The following SUMF1 variants were observed in gnomAD, a reference collection of about 807,000 sequenced individuals.
SUMF1 encodes sulfatase modifying factor 1.
In SUMF1, 48 loss-of-function variants were observed where a neutral mutation model predicts 47.6. That is an observed-to-expected ratio of 1.01 (90% CI 0.80 to 1.28). The LOEUF (loss-of-function observed/expected upper bound fraction) is 1.28. Among genes scored for constraint, SUMF1 ranks in the 50% most tolerant of loss-of-function variants. SUMF1 has a pLI of 0.00. For synonymous variants in SUMF1, 230 were observed against 192.1 expected (o/e 1.20, Z -1.63); for missense variants, 571 against 485.4 (o/e 1.18, Z -1.66).
chr3:4,070,847 G>A (rs1695504602), intron 8 of SUMF1, among the ~76,000 whole-genome samples: 1 of 151,896 alleles, frequency 6.6e-6, no homozygotes, highest in African/African-American at 2.4e-5. Flanking sequence ...TGGTCAGGAT[G>A]GTCTCAATCT....
rs143056350 is a variant in SUMF1 at position 4,464,019 on chromosome 3, G to A, written c.270+2957C>T. On this transcript the variant is annotated intron_variant, in intron 1 of 8. Transcript: ENST00000272902. ...GGGCAAAGCCCAGTGTTATTTCTCT[G>A]TGCCCCTCACCTTGCCACACACACT... Among the ~76,000 whole-genome samples the A allele has an allele frequency of 1.4e-3, 212 of 152,196 alleles. 1 individual carries two copies. The highest frequency in any genetic ancestry group is 6.8e-3 in the Middle Eastern group (2 of 294).
intron 9 of SUMF1, among the ~76,000 whole-genome samples, chr3:4,055,097 C>T (rs1695168172): frequency 6.6e-6 from 1 of 152,062 alleles, no homozygotes. Context: ...TAGTGGAGTG[C>T]GTTTTCTTCA....
At chr3:4,161,033 T>C (rs1191290800) in intron 8 of SUMF1, among the ~76,000 whole-genome samples, 1 of 152,178 alleles carries the variant, frequency 6.6e-6, no homozygotes, top group Non-Finnish European at 1.5e-5. Flanking sequence ...ATTGCAGCTG[T>C]ATCTGCTTCA....
chr3:4,107,614 T>C (rs1693188515), intron 8 of SUMF1, among the ~76,000 whole-genome samples: 2 of 152,094 alleles, frequency 1.3e-5, no homozygotes, highest in African/African-American at 2.4e-5. Flanking sequence ...CATTCAATGA[T>C]CAGCCATTCA....
chr3:4,421,722 A>T (rs1701903775), intron 3 of SUMF1, among the ~76,000 whole-genome samples: 1 of 152,102 alleles, frequency 6.6e-6, no homozygotes, highest in Non-Finnish European at 1.5e-5. Flanking sequence ...GGCTCCAGTG[A>T]TCCCTGCCCA....
At chr3:4,093,992 A>C (rs1007999216) in intron 8 of SUMF1, among the ~76,000 whole-genome samples, 13 of 152,148 alleles carry the variant, frequency 8.5e-5, no homozygotes, top group African/African-American at 2.9e-4. Context: ...AGGTACATTC[A>C]AGAATGATAC....
chr3:4,303,451 G>T, intron 8 of SUMF1: 2 of 1,540,694 alleles, frequency 1.3e-6, no homozygotes, highest in Non-Finnish European at 1.7e-6. Context: ...CGACTGAGCA[G>T]CTGGATGTCG....
At chr3:4,290,845 G>T (rs754039633) in intron 8 of SUMF1, among the ~76,000 whole-genome samples, 2 of 152,092 alleles carry the variant, frequency 1.3e-5, no homozygotes, top group Admixed American at 1.3e-4. Flanking sequence ...CATTCAGAAA[G>T]CTTGCAAGCT....
At chr3:4,382,336 G>GCACACA (rs1553566047) in intron 7 of SUMF1, among the ~76,000 whole-genome samples, 50 of 149,346 alleles carry the variant, frequency 3.3e-4, no homozygotes, top group African/African-American at 1.2e-3. Flanking sequence ...ACACATACAT[G>GCACACA]CACACACACA....
At chr3:4,064,121 G>A (rs755193823) in intron 9 of SUMF1, among the ~76,000 whole-genome samples, 6 of 152,032 alleles carry the variant, frequency 3.9e-5, no homozygotes, top group Non-Finnish European at 5.9e-5. Context: ...CTACTGAGCC[G>A]CATTCCCCAG....
intron 8 of SUMF1, among the ~76,000 whole-genome samples, chr3:4,353,932 T>C (rs750574289): frequency 2.0e-5 from 3 of 152,174 alleles, no homozygotes; most frequent in Non-Finnish European, 2.9e-5. Context: ...AGTGTGATCA[T>C]AGCAAACTCC....
chr3:4,095,704 C>T (rs925829021), intron 8 of SUMF1, among the ~76,000 whole-genome samples: 3 of 152,102 alleles, frequency 2.0e-5, no homozygotes, highest in Non-Finnish European at 2.9e-5. Context: ...AAAAGACCCT[C>T]ACAAATCCAC....
chr3:4,184,501 C>T (rs1302893084), intron 8 of SUMF1, among the ~76,000 whole-genome samples: 1 of 151,744 alleles, frequency 6.6e-6, no homozygotes, highest in African/African-American at 2.4e-5. Context: ...GCAAAAGAGT[C>T]GATTCTTACA....
At chr3:4,175,193 T>C (rs760690487) in intron 8 of SUMF1, among the ~76,000 whole-genome samples, 1 of 152,152 alleles carries the variant, frequency 6.6e-6, no homozygotes, top group African/African-American at 2.4e-5. Flanking sequence ...TCTCCCAGCA[T>C]GGCGTTTGAG....
At chr3:4,419,271 C>A (rs1025754813) in intron 4 of SUMF1, among the ~76,000 whole-genome samples, 1 of 152,172 alleles carries the variant, frequency 6.6e-6, no homozygotes, top group African/African-American at 2.4e-5. Context: ...TGCAGCACAG[C>A]GGCTTCCAAT....
At chr3:4,377,311 C>CA (rs1255811715) in intron 7 of SUMF1, among the ~76,000 whole-genome samples, 1 of 151,644 alleles carries the variant, frequency 6.6e-6, no homozygotes, top group Non-Finnish European at 1.5e-5. Flanking sequence ...ACAATCAAGA[C>CA]ATACAACATG....
chr3:4,400,849 T>A (rs1701187715), intron 7 of SUMF1, among the ~76,000 whole-genome samples: 1 of 152,194 alleles, frequency 6.6e-6, no homozygotes, highest in African/African-American at 2.4e-5. Flanking sequence ...AGTTCTAGGG[T>A]ACATGTGCAC....
chr3:4,392,714 C>A lies in SUMF1; in HGVS notation c.955-16325G>T, dbSNP rs565796051. Among the ~76,000 whole-genome samples the A allele has an allele frequency of 4.2e-4, 64 of 151,170 alleles. 3 individuals are homozygous for A. In the South Asian group the frequency reaches 0.011, roughly 26 times the overall value. On this transcript the variant is annotated intron_variant, in intron 7 of 8. Coordinates refer to ENST00000272902, the MANE Select transcript of SUMF1 (RefSeq NM_182760.4). ...TATATGTAACAGCAACTCTTGATTACCCTATTTTCCTGAAGGTTTTTGTTC... is the reference window on the plus strand; with the variant it reads ...TATATGTAACAGCAACTCTTGATTAACCTATTTTCCTGAAGGTTTTTGTTC...
At chr3:4,300,173 C>T (rs167464) in intron 8 of SUMF1, among the ~76,000 whole-genome samples, 96,109 of 151,968 alleles carry the variant, frequency 0.63, 32,530 homozygotes, top group African/African-American at 0.89. Context: ...TCACAAGATC[C>T]GGTCATTTAA....
Sources: gnomAD v4.1 joint callset for allele counts (sites outside exome capture counted in the v4.1 genomes callset) on GRCh38, gnomAD v4.1.1 for gene constraint, MANE v1.5 for transcripts, NCBI Gene and HGNC (gene_info 2026-07-23, HGNC 2026-07-21) for gene names.